JPH1: variants seen among roughly 807,000 people sequenced by gnomAD.
JPH1 encodes the protein junctophilin-1.
In JPH1, 12 loss-of-function variants were observed where a neutral mutation model predicts 53.6. The ratio of observed to expected loss-of-function variants is 0.22; its 90% confidence interval spans 0.14 to 0.36. JPH1 has a LOEUF of 0.36. JPH1 is among the 10% of genes least tolerant of loss of function. The pLI is 1.00. For synonymous variants in JPH1, 375 were observed against 363.8 expected (o/e 1.03, Z -0.35); for missense variants, 808 against 905.5 (o/e 0.89, Z 1.38).
In JPH1 at chr8:74,267,920, T is replaced by C. The variant is rs1382607330; in HGVS notation, c.1140-8417A>G. Among the ~76,000 whole-genome samples the C allele has an allele frequency of 2.6e-5, 4 of 151,688 alleles. No individual in the cohort carries two copies. The East Asian group carries it at 5.8e-4, about 22-fold the overall frequency. On this transcript the variant is annotated intron_variant, in intron 2 of 5. Transcript: ENST00000342232. The stretch of plus-strand genomic sequence containing the variant: ...GAAACAGGAAAGAATATAAGAACAG[T>C]GAAAGGGGTGATCCAGTGGTTTTAA...
In JPH1 at chr8:74,244,981, T is replaced by C; in HGVS notation, c.1453A>G (p.Lys485Glu). 3 of 1,614,086 alleles carry C rather than the reference T, an allele frequency of 1.9e-6. No individual in the cohort carries two copies. Among genetic ancestry groups the C allele is most frequent in the Non-Finnish European group, 1.7e-6 (2 of 1,180,006 alleles). ...SPASSPKPLK[K>E]QNPSSGARLN... is the part of the protein sequence containing the mutation. ...CTCGCCCCTGAGCTGGGGTTTTGCT[T>C]CTTCAGGGGCTTTGGGGAGGAAGCA... The change falls in exon 4 of 6, where the codon AAG (lysine) becomes GAG (glutamate). Residue 485 changes from lysine (K) to glutamate (E), a missense_variant. Around this residue, in one of 2 missense-constraint regions of JPH1, gnomAD observed 756 missense variants for 811.9 expected, o/e 0.93. Transcript: ENST00000342232.
chr8:74,317,337 G>GA (rs1808193381), intron 1 of JPH1, among the ~76,000 whole-genome samples: 1 of 152,210 alleles, frequency 6.6e-6, no homozygotes. Flanking sequence ...GGGTAGATGT[G>GA]AAGTCTTAAC....
intron 2 of JPH1, among the ~76,000 whole-genome samples, chr8:74,271,014 T>C (rs1256682328): frequency 6.6e-6 from 1 of 152,076 alleles, no homozygotes; most frequent in Non-Finnish European, 1.5e-5. Context: ...TGCAATAACT[T>C]GAATGGAACT....
chr8:74,240,622 T>A lies in JPH1; in HGVS notation c.1906-3319A>T, dbSNP rs571838235. On this transcript the variant is annotated intron_variant, in intron 4 of 5. Transcript: ENST00000342232. ...ACTTAGATTAGATTTTGTTCATGAG[T>A]GTTTTAAGAATTTTGGATCATTTCA... Among the ~76,000 whole-genome samples the A allele has an allele frequency of 2.6e-5, 4 of 152,328 alleles. No individual in the cohort carries two copies. In the East Asian group the frequency reaches 7.7e-4, roughly 29 times the overall value.
intron 2 of JPH1, among the ~76,000 whole-genome samples, chr8:74,283,032 A>C (rs563224504): frequency 6.6e-6 from 1 of 152,324 alleles, no homozygotes; most frequent in Non-Finnish European, 1.5e-5. Context: ...TTTAAAACAC[A>C]GTTAAACAGT....
Position 74,315,710 on chromosome 8 carries a change from C to G in JPH1, c.380-90G>C. ...CAGCGCACACTGGCGCAGGCCTGCC[C>G]AAGGTCAAATCTGACCCATTTCCAA... On this transcript the variant is annotated intron_variant, in intron 1 of 5. Coordinates refer to ENST00000342232, the MANE Select transcript of JPH1 (RefSeq NM_020647.4). This position sits in a 1 kb window ranked among gnomAD's most constrained non-coding sequence, Gnocchi z 6.3. 7.6e-7 allele frequency: 1 copy of G among 1,309,998 alleles called. No individual in the cohort carries two copies. Among genetic ancestry groups the G allele is most frequent in the Non-Finnish European group, 1.0e-6 (1 of 980,356 alleles). 81.1% of individuals were successfully genotyped at this position (1,309,998 alleles called of 1,614,324 possible).
intron 4 of JPH1, among the ~76,000 whole-genome samples, chr8:74,238,641 T>C (rs762252913): frequency 2.8e-4 from 42 of 152,300 alleles, no homozygotes; most frequent in Non-Finnish European, 3.4e-4. Context: ...TTCCAGCACA[T>C]TTCCAAGTGC....
chr8:74,289,493 T>C (rs1807260796), intron 2 of JPH1, among the ~76,000 whole-genome samples: 1 of 152,212 alleles, frequency 6.6e-6, no homozygotes, highest in South Asian at 2.1e-4. Context: ...AGAACTGGTG[T>C]TCCCACAGTG....
intron 2 of JPH1, among the ~76,000 whole-genome samples, chr8:74,278,661 CACTTATGTACCTTTGTAAAATGCT>C (rs1463084466): frequency 3.9e-5 from 6 of 152,164 alleles, no homozygotes; most frequent in Non-Finnish European, 7.3e-5. Context: ...CGGACTAATG[CACTTATGTACCTTTGTAAAATGCT>C]ACCAGAAACA....
At chr8:74,255,240 G>T (rs1221169781) in intron 3 of JPH1, among the ~76,000 whole-genome samples, 1 of 151,950 alleles carries the variant, frequency 6.6e-6, no homozygotes, top group Non-Finnish European at 1.5e-5. Context: ...AAATAATGCT[G>T]CATATCTACA....
At chr8:74,244,037 T>C (rs1357282913) in intron 4 of JPH1, among the ~76,000 whole-genome samples, 1 of 152,184 alleles carries the variant, frequency 6.6e-6, no homozygotes, top group Non-Finnish European at 1.5e-5. Context: ...AAACTACGTA[T>C]GTATGAGAAG....
chr8:74,266,534 T>C (rs1366397787), intron 2 of JPH1, among the ~76,000 whole-genome samples: 1 of 152,014 alleles, frequency 6.6e-6, no homozygotes, highest in Non-Finnish European at 1.5e-5. Flanking sequence ...TCCAGGGGGT[T>C]GGAGGAGGGG....
chr8:74,315,861 T>G lies in JPH1; in HGVS notation c.380-241A>C, dbSNP rs779799905. 3.4e-4 allele frequency among the ~76,000 whole-genome samples: 51 copies of G among 152,222 alleles called. No homozygotes were observed. Among genetic ancestry groups the G allele is most frequent in the Non-Finnish European group, 4.0e-4 (27 of 68,040 alleles). ...ATAATTTTTGCTTTTCATTAAAATT[T>G]TATGCAAGTATTTCAGAGGAAAACC... is the stretch of plus-strand genomic sequence containing the variant. On this transcript the variant is annotated intron_variant, in intron 1 of 5. Transcript: ENST00000342232. This position sits in a 1 kb window ranked among gnomAD's most constrained non-coding sequence, Gnocchi z 6.3.
chr8:74,269,670 G>A (rs184186782), intron 2 of JPH1, among the ~76,000 whole-genome samples: 1 of 152,228 alleles, frequency 6.6e-6, no homozygotes, highest in East Asian at 1.9e-4. Flanking sequence ...GGCTCTGAGA[G>A]TCCACATGAT....
In JPH1 at chr8:74,244,942, T is replaced by G; in HGVS notation, c.1492A>C (p.Lys498Gln). The G allele has an allele frequency of 1.2e-6, 2 of 1,614,134 alleles. No homozygotes were observed. The highest frequency in any genetic ancestry group is 4.5e-5 in the East Asian group (2 of 44,872). The change falls in exon 4 of 6, where the codon AAA becomes CAA. Residue 498 changes from lysine to glutamine, a missense_variant. Physicochemically the swap from Lys to Gln is moderately conservative, Grantham distance 53 (BLOSUM62 1). Coordinates refer to ENST00000342232, the MANE Select transcript of JPH1 (RefSeq NM_020647.4). ...ACCTGCTCATCAGCCACACTCCTTT[T>G]GTCTTGGTTGAGTCTCGCCCCTGAG... ...PSSGARLNQD[K>Q]RSVADEQVTA...
In JPH1 at chr8:74,244,600, ACTT is replaced by A. The variant is rs1805792888; in HGVS notation, c.1831_1833del (p.Lys611del). 6 of 1,614,068 alleles carry A rather than the reference ACTT, an allele frequency of 3.7e-6. No individual in the cohort carries two copies. The highest frequency in any genetic ancestry group is 5.1e-6 in the Non-Finnish European group (6 of 1,180,040). On this transcript the variant is annotated inframe_deletion, in exon 4 of 6. Coordinates refer to ENST00000342232, the MANE Select transcript of JPH1 (RefSeq NM_020647.4). ...GGATTCTTTGGTATAGCAAGTTCAG[ACTT>A]CTTAGCTTTTGGCTCAGCTTTGCTT...
intron 3 of JPH1, among the ~76,000 whole-genome samples, chr8:74,258,992 C>T (rs553386699): frequency 1.3e-5 from 2 of 152,314 alleles, no homozygotes; most frequent in East Asian, 1.9e-4. Flanking sequence ...GTGGAAAATT[C>T]CACATGACCG....
At chr8:74,244,159 G>A (rs2131376680) in intron 4 of JPH1, among the ~76,000 whole-genome samples, 1 of 152,334 alleles carries the variant, frequency 6.6e-6, no homozygotes, top group Admixed American at 6.5e-5. Flanking sequence ...TCTGAGAGCG[G>A]CTGGCCCTTG....
chr8:74,310,694 T>C (rs1211592006), intron 2 of JPH1, among the ~76,000 whole-genome samples: 1 of 152,206 alleles, frequency 6.6e-6, no homozygotes, highest in African/African-American at 2.4e-5. Context: ...CATACTTTCA[T>C]GAATCTTTGG....
Sources: allele counts gnomAD v4.1 joint callset (sites outside exome capture counted in the v4.1 genomes callset), GRCh38; gene constraint gnomAD v4.1.1; regional missense constraint gnomAD v4.1.1; non-coding constraint Gnocchi (gnomAD v3.1); transcripts MANE v1.5; gene names NCBI Gene and HGNC (gene_info 2026-07-23, HGNC 2026-07-21).